Variants in USP34 observed in about 807,000 individuals in gnomAD.
USP34 encodes ubiquitin carboxyl-terminal hydrolase 34.
A neutral mutation model predicts 460.3 loss-of-function variants in USP34; 70 were observed. The ratio of observed to expected loss-of-function variants is 0.15; its 90% CI spans 0.13 to 0.19. The LOEUF (loss-of-function observed/expected upper bound fraction) is 0.19, where lower values mean the gene tolerates loss of function less well. Among genes scored for constraint, USP34 ranks in the 10% least tolerant of loss-of-function variants. USP34 has a pLI of 1.00. For synonymous variants in USP34, 1,647 were observed against 1,405.3 expected, an observed-to-expected ratio of 1.17 and a Z score of -3.85; for missense variants, 3,985 against 4,236.2, an observed-to-expected ratio of 0.94 and a Z score of 1.65.
Position 61,288,586 on chromosome 2 carries a change from A to T in USP34, c.4749+91T>A, listed in dbSNP as rs1689758905. 3.0e-6 allele frequency: 4 copies of T among 1,348,044 alleles called. No homozygotes were observed. The South Asian group carries it at 4.8e-5, about 16-fold the overall frequency. 83.5% of individuals were successfully genotyped at this position (1,348,044 alleles called of 1,614,324 possible). ...TCAGCTGTCAGGTTAAGTCACAGTA[A>T]TCTAGAATACATTTCTTAAGCATTA... On this transcript the variant is annotated intron_variant, in intron 34 of 79. Transcript: ENST00000398571.
intron 1 of USP34, among the ~76,000 whole-genome samples, chr2:61,465,670 C>T (rs1230510779): frequency 6.6e-6 from 1 of 152,076 alleles, no homozygotes; most frequent in East Asian, 1.9e-4. Flanking sequence ...ATGCAAGGCC[C>T]TGTCTCTATT....
At chr2:61,455,845 T>C (rs1440101041) in intron 1 of USP34, among the ~76,000 whole-genome samples, 1 of 152,188 alleles carries the variant, frequency 6.6e-6, no homozygotes. Flanking sequence ...ATGAGACATG[T>C]ATTAAGAATA....
At chr2:61,246,545 T>C in intron 49 of USP34, 68 bp from the exon 50 acceptor site, 1 of 1,060,660 alleles carries the variant, frequency 9.4e-7, no homozygotes, top group South Asian at 3.5e-5. Flanking sequence ...AAACACTTTT[T>C]AAAATAAACT....
chr2:61,456,127 T>C lies in USP34; in HGVS notation c.43+14523A>G, dbSNP rs1695431128. Among the ~76,000 whole-genome samples the C allele has an allele frequency of 2.0e-5, 3 of 152,188 alleles. No homozygotes were observed. The South Asian group carries it at 6.2e-4, about 32-fold the overall frequency. On this transcript the variant is annotated intron_variant, in intron 1 of 79. Transcript: ENST00000398571. The stretch of plus-strand genomic sequence containing the variant: ...TAAAAAAACAAATATTTAAACAGAG[T>C]TAAGGTGAAACACAACTCAGTAAAT...
chr2:61,345,576 C>T (rs1301396312), intron 15 of USP34, among the ~76,000 whole-genome samples: 1 of 152,164 alleles, frequency 6.6e-6, no homozygotes, highest in African/African-American at 2.4e-5. Context: ...TTATTGTGCA[C>T]CAATCACATT....
intron 2 of USP34, 103 bp downstream of exon 2, chr2:61,420,643 T>C (rs1694327612): frequency 1.6e-6 from 1 of 622,784 alleles, no homozygotes; most frequent in Non-Finnish European, 2.7e-6. Flanking sequence ...TAGTAACTAA[T>C]GGTATCTAAC....
rs755820082 is a variant in USP34, at chr2:61,348,933, T to C, written c.1544-47A>G. The C allele has an allele frequency of 6.1e-5, 95 of 1,554,938 alleles. 1 individual carries two copies. In the Middle Eastern group the frequency reaches 1.4e-3, roughly 23 times the overall value. On this transcript the variant is annotated intron_variant, in intron 13 of 79. Transcript: ENST00000398571. Reference sequence around the variant, plus strand: ...TTTTTACTTCTAATTTATATTAACATTGACTTAACAGAATGACATTATCAT... The same window carrying C: ...TTTTTACTTCTAATTTATATTAACACTGACTTAACAGAATGACATTATCAT...
At chr2:61,246,789 A>G (rs1345113976) in intron 49 of USP34, among the ~76,000 whole-genome samples, 1 of 152,178 alleles carries the variant, frequency 6.6e-6, no homozygotes, top group Non-Finnish European at 1.5e-5. Flanking sequence ...GTTAATACAT[A>G]ATTATGGACA....
At position 61,218,316 on chromosome 2, in the gene USP34, G is replaced by GA. The variant is rs79272493; in HGVS notation, c.8047+1993dup. 3.2e-3 allele frequency among the ~76,000 whole-genome samples: 289 copies of GA among 89,660 alleles called. 1 individual carries two copies. The highest frequency in any genetic ancestry group is 6.1e-3 in the East Asian group (21 of 3,422). The allele number at this position is 89,660 out of a possible 152,430, so 58.8% of individuals were successfully genotyped here. A position where few individuals can be genotyped will look rare whatever the true frequency, so the allele number is the denominator to read the frequency against. Reference sequence around the variant, plus strand: ...ATGGTGGGGTTAACTAAACTTCCAGGAAAAAAAAAAAAAAAAAAAGGCCCA... The same window carrying GA: ...ATGGTGGGGTTAACTAAACTTCCAGGAAAAAAAAAAAAAAAAAAAAGGCCCA... On this transcript the variant is annotated intron_variant, in intron 67 of 79. Transcript: ENST00000398571.
chr2:61,400,671 A>G (rs1324139781), intron 3 of USP34, among the ~76,000 whole-genome samples: 1 of 152,074 alleles, frequency 6.6e-6, no homozygotes, highest in South Asian at 2.1e-4. Context: ...GAAACAGAGC[A>G]AGACCCTGCC....
intron 3 of USP34, among the ~76,000 whole-genome samples, chr2:61,398,557 G>A (rs1403313854): frequency 1.4e-5 from 1 of 70,786 alleles, no homozygotes; most frequent in African/African-American, 5.7e-5. Flanking sequence ...GGAAGGAGGC[G>A]GAAGCGGGAA....
At chr2:61,300,633 T>C (rs916652323) in intron 29 of USP34, among the ~76,000 whole-genome samples, 1 of 151,388 alleles carries the variant, frequency 6.6e-6, no homozygotes. Flanking sequence ...CCATCTCTAC[T>C]AGAAATGCAA....
At chr2:61,228,616 T>C (rs763765984) in intron 61 of USP34, 29 bp downstream of exon 61, 9 of 1,589,532 alleles carry the variant, frequency 5.7e-6, no homozygotes, top group Admixed American at 3.5e-5. Context: ...GAGCCTCTAA[T>C]ACCTAATGTA....
At chr2:61,444,013 G>A (rs1212525970) in intron 1 of USP34, among the ~76,000 whole-genome samples, 1 of 152,182 alleles carries the variant, frequency 6.6e-6, no homozygotes, top group Non-Finnish European at 1.5e-5. Flanking sequence ...GCTCATGCCT[G>A]TAACCCTAGC....
chr2:61,361,122 C>A (rs1262790434), intron 10 of USP34, among the ~76,000 whole-genome samples: 1 of 152,140 alleles, frequency 6.6e-6, no homozygotes, highest in Non-Finnish European at 1.5e-5. Context: ...GTAATCAAAA[C>A]AATATGAGCC....
chr2:61,403,797 C>G (rs1192024572), intron 3 of USP34, among the ~76,000 whole-genome samples: 1 of 151,830 alleles, frequency 6.6e-6, no homozygotes, highest in Non-Finnish European at 1.5e-5. Context: ...ACCATCCTGG[C>G]TAACAGGGTG....
intron 1 of USP34, among the ~76,000 whole-genome samples, chr2:61,465,874 AG>A (rs1209425033): frequency 6.6e-6 from 1 of 151,714 alleles, no homozygotes; most frequent in Non-Finnish European, 1.5e-5. Context: ...CTCCTCGGGA[AG>A]CTGAGTCAGG....
intron 48 of USP34, chr2:61,250,455 C>T: frequency 6.4e-6 from 1 of 156,526 alleles, no homozygotes. Context: ...AAACACCCCA[C>T]ATGCATGGCC....
At chr2:61,265,860 C>T (rs1171488856) in intron 42 of USP34, 124 bp downstream of exon 42, 1 of 947,830 alleles carries the variant, frequency 1.1e-6, no homozygotes, top group Non-Finnish European at 1.4e-6. Flanking sequence ...TAATAACACC[C>T]TACCAATAAT....
Sources: allele counts gnomAD v4.1 joint callset (sites outside exome capture counted in the v4.1 genomes callset), GRCh38; gene constraint gnomAD v4.1.1; transcripts MANE v1.5; gene names NCBI Gene and HGNC (gene_info 2026-07-23, HGNC 2026-07-21).